GTF2E2: variants seen among roughly 807,000 people sequenced by gnomAD.
GTF2E2 encodes the protein general transcription factor IIE subunit 2.
GTF2E2 carries 21 observed loss-of-function variants against 40.5 expected under a neutral mutation model. The ratio of observed to expected loss-of-function variants is 0.52; its 90% CI spans 0.37 to 0.75. The LOEUF (loss-of-function observed/expected upper bound fraction) is 0.75, where lower values mean the gene tolerates loss of function less well. GTF2E2 is among the 30% of genes least tolerant of loss of function. GTF2E2 has a pLI of 0.00. For synonymous variants in GTF2E2, 117 were observed against 121.6 expected (o/e 0.96, Z 0.25); for missense variants, 298 against 338.4 (o/e 0.88, Z 0.94).
chr8:30,585,557 T>C (rs1165193109), intron 6 of GTF2E2, among the ~76,000 whole-genome samples: 1 of 152,064 alleles, frequency 6.6e-6, no homozygotes, highest in African/African-American at 2.4e-5. Flanking sequence ...ACAGTTTGCT[T>C]AGAGAATTTT....
At chr8:30,583,308 T>C (rs1236908163) in intron 6 of GTF2E2, among the ~76,000 whole-genome samples, 4 of 152,226 alleles carry the variant, frequency 2.6e-5, no homozygotes, top group Non-Finnish European at 5.9e-5. Context: ...TACTCCAGCC[T>C]GGGTAACACA....
intron 3 of GTF2E2, among the ~76,000 whole-genome samples, chr8:30,615,098 G>A (rs1018872482): frequency 6.6e-6 from 1 of 152,018 alleles, no homozygotes; most frequent in Admixed American, 6.6e-5. Flanking sequence ...GGCCAACATG[G>A]TGAAACCCCA....
chr8:30,606,218 T>C (rs940399145), intron 6 of GTF2E2, among the ~76,000 whole-genome samples: 7 of 152,200 alleles, frequency 4.6e-5, no homozygotes, highest in Non-Finnish European at 7.3e-5. Flanking sequence ...ACCAATTACA[T>C]GTAAGATACT....
intron 6 of GTF2E2, among the ~76,000 whole-genome samples, chr8:30,586,788 G>A (rs1161859861): frequency 4.6e-5 from 7 of 152,152 alleles, no homozygotes. Context: ...AGGGTGTCGG[G>A]AAAACTGAAT....
intron 3 of GTF2E2, among the ~76,000 whole-genome samples, chr8:30,626,342 G>A (rs191309559): frequency 1.1e-4 from 17 of 152,192 alleles, no homozygotes; most frequent in Middle Eastern, 3.4e-3. Context: ...AAATTTAGCC[G>A]GGCGTGGTGG....
chr8:30,656,626 G>A (rs531971422), intron 1 of GTF2E2, among the ~76,000 whole-genome samples: 1 of 152,054 alleles, frequency 6.6e-6, no homozygotes, highest in South Asian at 2.1e-4. Context: ...GGCCAACATG[G>A]TGAAACTCCG....
chr8:30,624,521 G>T (rs1043300369), intron 3 of GTF2E2, among the ~76,000 whole-genome samples: 13 of 151,974 alleles, frequency 8.6e-5, no homozygotes, highest in African/African-American at 1.9e-4. Context: ...ATATGAACTT[G>T]AAAGTAGTTT....
At chr8:30,603,331 G>A (rs564044650) in intron 6 of GTF2E2, among the ~76,000 whole-genome samples, 10 of 152,030 alleles carry the variant, frequency 6.6e-5, no homozygotes, top group Admixed American at 2.6e-4. Context: ...TAATAAAGAC[G>A]GTAAATGTAA....
Position 30,578,942 on chromosome 8 carries a change from A to C in GTF2E2, c.855T>G (p.Ser285=). The change falls in exon 8 of 8, where the codon TCT becomes TCG. Residue 285 remains serine (S), a synonymous_variant. Coordinates refer to ENST00000355904, the MANE Select transcript of GTF2E2 (RefSeq NM_002095.6). The part of the protein sequence containing the change: ...EHLAGVLKDY[S]DITSSK ...TTCCCTATTTGCTGGAAGTAATGTCAGAGTAATCCTTCAGCACTCCAGCCA... is the reference window on the plus strand; with the variant it reads ...TTCCCTATTTGCTGGAAGTAATGTCCGAGTAATCCTTCAGCACTCCAGCCA... The C allele has an allele frequency of 6.4e-7, 1 of 1,571,794 alleles. No homozygotes were observed. Among genetic ancestry groups the C allele is most frequent in the East Asian group, 2.2e-5 (1 of 44,698 alleles).
At chr8:30,628,641 T>C (rs1194569788) in intron 3 of GTF2E2, among the ~76,000 whole-genome samples, 1 of 152,114 alleles carries the variant, frequency 6.6e-6, no homozygotes, top group Admixed American at 6.5e-5. Context: ...GGTATTAAAT[T>C]TTACCAGAGG....
chr8:30,640,839 G>C (rs1025885220), intron 2 of GTF2E2, among the ~76,000 whole-genome samples: 1 of 152,046 alleles, frequency 6.6e-6, no homozygotes, highest in Non-Finnish European at 1.5e-5. Context: ...TGAGAAACTG[G>C]GATTACACAC....
At chr8:30,579,076 C>T in intron 7 of GTF2E2, 39 bp from the exon 8 acceptor site, 1 of 1,046,000 alleles carries the variant, frequency 9.6e-7, no homozygotes, top group Non-Finnish European at 1.5e-6. Context: ...ACAACAGCTG[C>T]TCTGAGGGGT....
At chr8:30,618,798 T>C (rs1801001558) in intron 3 of GTF2E2, among the ~76,000 whole-genome samples, 1 of 152,212 alleles carries the variant, frequency 6.6e-6, no homozygotes, top group South Asian at 2.1e-4. Context: ...TAGCTGCTTT[T>C]TGAAATAAAT....
chr8:30,650,653 G>A (rs1352418170), intron 2 of GTF2E2, among the ~76,000 whole-genome samples: 5 of 149,812 alleles, frequency 3.3e-5, no homozygotes, highest in East Asian at 1.9e-4. Flanking sequence ...CCATGATCAC[G>A]CCAGCAGTGA....
intron 6 of GTF2E2, among the ~76,000 whole-genome samples, chr8:30,605,866 G>A (rs1487035666): frequency 1.3e-5 from 2 of 151,760 alleles, no homozygotes; most frequent in Admixed American, 1.3e-4. Context: ...TCACTTTTTT[G>A]CCCAGGCTGG....
intron 3 of GTF2E2, among the ~76,000 whole-genome samples, chr8:30,628,955 C>T (rs1801361558): frequency 6.6e-6 from 1 of 151,664 alleles, no homozygotes; most frequent in East Asian, 1.9e-4. Flanking sequence ...AAAATTTTAC[C>T]AGCAACTTTT....
At chr8:30,613,833 T>C (rs762324327) in intron 4 of GTF2E2, among the ~76,000 whole-genome samples, 3 of 152,222 alleles carry the variant, frequency 2.0e-5, no homozygotes, top group Admixed American at 6.5e-5. Flanking sequence ...CGGTAAACAT[T>C]TGAATTTTTA....
intron 3 of GTF2E2, among the ~76,000 whole-genome samples, chr8:30,633,021 T>C (rs1801487490): frequency 6.6e-6 from 1 of 152,208 alleles, no homozygotes; most frequent in Non-Finnish European, 1.5e-5. Flanking sequence ...CATTTAAGAA[T>C]AAATTTCTGA....
intron 3 of GTF2E2, among the ~76,000 whole-genome samples, chr8:30,615,656 C>CA (rs1316805546): frequency 6.6e-6 from 1 of 152,140 alleles, no homozygotes; most frequent in African/African-American, 2.4e-5. Flanking sequence ...AACACACACA[C>CA]ACACGTAGAT....
Sources: allele counts gnomAD v4.1 joint callset (sites outside exome capture counted in the v4.1 genomes callset), GRCh38; gene constraint gnomAD v4.1.1; transcripts MANE v1.5; gene names NCBI Gene and HGNC (gene_info 2026-07-23, HGNC 2026-07-21).